Variants in RBMS1 observed in about 807,000 individuals in gnomAD.
RBMS1 encodes RNA binding motif single stranded interacting protein 1.
Under a neutral mutation model 62.3 loss-of-function variants are expected in RBMS1, and 17 were observed. That is an observed-to-expected ratio of 0.27 (90% confidence interval 0.19 to 0.41). The LOEUF (loss-of-function observed/expected upper bound fraction) is 0.41. Among genes scored for constraint, RBMS1 ranks in the 10% least tolerant of loss-of-function variants. The pLI, the probability that RBMS1 is intolerant of heterozygous loss-of-function variation, is 1.00. For synonymous variants in RBMS1, 172 were observed against 170.0 expected (o/e 1.01, Z -0.09); for missense variants, 334 against 504.5 (o/e 0.66, Z 3.24).
At chr2:160,372,721 G>A (rs903809127) in intron 1 of RBMS1, among the ~76,000 whole-genome samples, 2 of 152,204 alleles carry the variant, frequency 1.3e-5, no homozygotes, top group Non-Finnish European at 2.9e-5. Flanking sequence ...GAGTGACTGA[G>A]AGAGGGCTGG....
At chr2:160,306,990 C>A (rs1043454115) in intron 4 of RBMS1, among the ~76,000 whole-genome samples, 2 of 152,044 alleles carry the variant, frequency 1.3e-5, no homozygotes, top group South Asian at 2.1e-4. Context: ...TGTCCCTAGG[C>A]ATGGAAGGGT....
intron 1 of RBMS1, among the ~76,000 whole-genome samples, chr2:160,444,723 G>T (rs766343249): frequency 2.5e-4 from 38 of 152,322 alleles, no homozygotes; most frequent in Non-Finnish European, 4.7e-4. Context: ...AAAGTTAAAT[G>T]AGGTCAAAAG....
At chr2:160,455,818 G>A (rs1047726291) in intron 1 of RBMS1, among the ~76,000 whole-genome samples, 1 of 151,520 alleles carries the variant, frequency 6.6e-6, no homozygotes, top group African/African-American at 2.4e-5. Context: ...CGAGTAGCTG[G>A]GACTACAGGC....
At chr2:160,338,917 G>C (rs189601747) in intron 2 of RBMS1, among the ~76,000 whole-genome samples, 51 of 152,336 alleles carry the variant, frequency 3.3e-4, no homozygotes, top group African/African-American at 1.1e-3. Context: ...ACTGGCCAAG[G>C]AGCTTTACAT....
At position 160,311,395 on chromosome 2, in the gene RBMS1, A is replaced by G. The variant is rs576453126; in HGVS notation, c.402+1761T>C. On this transcript the variant is annotated intron_variant, in intron 4 of 13. Transcript: ENST00000348849. ...CCTCTTACTAATTACTGAAATCTTTATGTTGATTCTTTCATTCAAAGTACA... is the reference window on the plus strand; with the variant it reads ...CCTCTTACTAATTACTGAAATCTTTGTGTTGATTCTTTCATTCAAAGTACA... Among the ~76,000 whole-genome samples the G allele has an allele frequency of 4.6e-5, 7 of 151,932 alleles. No homozygotes were observed. The South Asian group carries it at 1.5e-3, about 32-fold the overall frequency.
rs146824459 is a variant in RBMS1 at position 160,309,152 on chromosome 2, T to C, written c.402+4004A>G. 8.5e-5 allele frequency among the ~76,000 whole-genome samples: 13 copies of C among 152,330 alleles called. 1 individual carries two copies. The highest frequency in any genetic ancestry group is 3.1e-4 in the African/African-American group (13 of 41,584). On this transcript the variant is annotated intron_variant, in intron 4 of 13. Coordinates refer to ENST00000348849, the MANE Select transcript of RBMS1 (RefSeq NM_016836.4). ...TGAGAACTGGTTTGGGACACTTAAC[T>C]GACTGCTCACTTCCTATGTCTAAGA...
Position 160,277,784 on chromosome 2 carries a change from C to A in RBMS1, c.1063-401G>T, listed in dbSNP as rs1017721487. ...CTAGTATTGTTTCTACAGGTAGAGC[C>A]CACAGGGGTAAGACTTATTAGACCT... On this transcript the variant is annotated intron_variant, in intron 11 of 13. Transcript: ENST00000348849. 1.2e-5 allele frequency: 2 copies of A among 167,358 alleles called. 1 individual carries two copies. Among genetic ancestry groups the A allele is most frequent in the South Asian group, 2.9e-4 (2 of 6,834 alleles). The allele number at this position is 167,358 out of a possible 1,614,324, so 10.4% of individuals were successfully genotyped here.
chr2:160,318,870 C>A (rs765000801), intron 2 of RBMS1, among the ~76,000 whole-genome samples: 8 of 152,182 alleles, frequency 5.3e-5, no homozygotes, highest in Non-Finnish European at 1.2e-4. Flanking sequence ...AGTAAACTCA[C>A]TTTGTGTGCA....
intron 2 of RBMS1, among the ~76,000 whole-genome samples, chr2:160,325,240 T>C (rs1014906570): frequency 3.3e-5 from 5 of 152,100 alleles, no homozygotes; most frequent in Admixed American, 3.3e-4. Flanking sequence ...CCGTAATTGC[T>C]AAGGTCCTTA....
At chr2:160,349,508 G>A (rs1692367645) in intron 2 of RBMS1, among the ~76,000 whole-genome samples, 1 of 151,238 alleles carries the variant, frequency 6.6e-6, no homozygotes, top group Admixed American at 6.6e-5. Flanking sequence ...CCAGCACTGA[G>A]TAATCCACAT....
intron 1 of RBMS1, among the ~76,000 whole-genome samples, chr2:160,424,177 C>T (rs932455931): frequency 4.6e-5 from 7 of 151,846 alleles, no homozygotes; most frequent in South Asian, 2.1e-4. Flanking sequence ...CGCCACCACA[C>T]GCTGGCTAAT....
At chr2:160,293,711 G>C (rs1265456108) in intron 6 of RBMS1, among the ~76,000 whole-genome samples, 1 of 152,154 alleles carries the variant, frequency 6.6e-6, no homozygotes, top group East Asian at 1.9e-4. Context: ...TTTGTGCAGG[G>C]AGTCAGGGCG....
At chr2:160,443,625 T>C (rs1683514726) in intron 1 of RBMS1, among the ~76,000 whole-genome samples, 1 of 152,086 alleles carries the variant, frequency 6.6e-6, no homozygotes, top group Admixed American at 6.6e-5. Context: ...CTTTGCCTTC[T>C]GTCACGAGTC....
At chr2:160,439,558 C>T (rs1321338021) in intron 1 of RBMS1, among the ~76,000 whole-genome samples, 3 of 151,202 alleles carry the variant, frequency 2.0e-5, no homozygotes, top group Admixed American at 6.6e-5. Flanking sequence ...AGAGACGCTC[C>T]TCACTTTCCA....
chr2:160,408,507 A>C (rs1695890454), intron 1 of RBMS1: 1 of 152,216 alleles, frequency 6.6e-6, no homozygotes, highest in African/African-American at 2.4e-5. Context: ...GCCAGAGTTT[A>C]CCAGCTTTCC....
At chr2:160,474,030 T>C (rs551132218) in intron 1 of RBMS1, among the ~76,000 whole-genome samples, 1 of 152,360 alleles carries the variant, frequency 6.6e-6, no homozygotes, top group Admixed American at 6.5e-5. Context: ...GTTAATTATG[T>C]GTTTTATCAT....
At chr2:160,342,550 A>ATG (rs902590745) in intron 2 of RBMS1, among the ~76,000 whole-genome samples, 1 of 151,980 alleles carries the variant, frequency 6.6e-6, no homozygotes, top group African/African-American at 2.4e-5. Context: ...ATATATATAT[A>ATG]TGTGTGAAAA....
chr2:160,433,924 C>T lies in RBMS1; in HGVS notation c.75+59365G>A, dbSNP rs190820973. On this transcript the variant is annotated intron_variant, in intron 1 of 13. Transcript: ENST00000348849. Reference sequence around the variant, plus strand: ...GAACTGCGCTTCCTCTTAAGTATGGCATTGTGCAATCCTCGTTTACTTTGG... The same window carrying T: ...GAACTGCGCTTCCTCTTAAGTATGGTATTGTGCAATCCTCGTTTACTTTGG... Among the ~76,000 whole-genome samples, 298 of 152,302 alleles carry T rather than the reference C, an allele frequency of 2.0e-3. 1 individual carries two copies. The highest frequency in any genetic ancestry group is 6.9e-3 in the African/African-American group (287 of 41,556).
chr2:160,426,926 T>C (rs1307091048), intron 1 of RBMS1, among the ~76,000 whole-genome samples: 3 of 152,216 alleles, frequency 2.0e-5, no homozygotes, highest in Non-Finnish European at 2.9e-5. Flanking sequence ...GGTCAAGGAA[T>C]GGAAGAAAGC....
Sources: allele counts gnomAD v4.1 joint callset (sites outside exome capture counted in the v4.1 genomes callset), GRCh38; gene constraint gnomAD v4.1.1; transcripts MANE v1.5; gene names NCBI Gene and HGNC (gene_info 2026-07-23, HGNC 2026-07-21).